STAG2: variants seen among roughly 807,000 people sequenced by gnomAD.
STAG2 encodes cohesin subunit SA-2.
STAG2 carries 14 observed loss-of-function variants against 108.1 expected under a neutral mutation model. That is an observed-to-expected ratio of 0.13 (90% CI 0.09 to 0.20). The LOEUF (loss-of-function observed/expected upper bound fraction) is 0.20. STAG2 is among the 10% of genes least tolerant of loss of function. The pLI, the probability that STAG2 is intolerant of heterozygous loss-of-function variation, is 1.00. For synonymous variants in STAG2, 307 were observed against 302.7 expected, an observed-to-expected ratio of 1.01 and a Z score of -0.15; for missense variants, 440 against 940.9, an observed-to-expected ratio of 0.47 and a Z score of 6.96.
At chrX:123,964,346 A>C (rs1034800494) in intron 1 of STAG2, among the ~76,000 whole-genome samples, 1 of 112,188 alleles carries the variant, frequency 8.9e-6, no homozygotes, top group African/African-American at 3.2e-5. Context: ...ACTTAGCCTG[A>C]ATGTGCTCTA....
chrX:124,089,364 C>T (rs1466996148), intron 30 of STAG2, among the ~76,000 whole-genome samples: 1 of 112,409 alleles, frequency 8.9e-6, no homozygotes, highest in African/African-American at 3.2e-5. Flanking sequence ...GCAACATTTA[C>T]AGACATTTGA....
intron 1 of STAG2, among the ~76,000 whole-genome samples, chrX:123,974,699 C>T (rs1602644923): frequency 9.2e-6 from 1 of 108,371 alleles, no homozygotes; most frequent in Non-Finnish European, 1.9e-5. Flanking sequence ...CTGCTTCAGC[C>T]TCTTGAGTAG....
At chrX:124,028,192 A>C (rs1399916719) in intron 4 of STAG2, among the ~76,000 whole-genome samples, 1 of 111,948 alleles carries the variant, frequency 8.9e-6, no homozygotes, top group Non-Finnish European at 1.9e-5. Flanking sequence ...CAAAGACTGA[A>C]TCTCATTTAC....
intron 1 of STAG2, among the ~76,000 whole-genome samples, chrX:123,991,822 G>A (rs959869096): frequency 9.0e-6 from 1 of 110,962 alleles, no homozygotes; most frequent in Non-Finnish European, 1.9e-5. Context: ...ACGCCACCAC[G>A]CCCAGCTAAT....
intron 1 of STAG2, among the ~76,000 whole-genome samples, chrX:123,974,636 T>C (rs1032774772): frequency 9.6e-6 from 1 of 103,791 alleles, no homozygotes. Flanking sequence ...TGGAGTGCAG[T>C]GGCGTGATCT....
intron 34 of STAG2, among the ~76,000 whole-genome samples, chrX:124,097,962 A>G (rs1008238166): frequency 1.8e-5 from 2 of 109,850 alleles, no homozygotes; most frequent in African/African-American, 6.6e-5. Context: ...TTTTTAATGT[A>G]TTTGTCTAAT....
chrX:124,078,981 C>T (rs2058876061), intron 27 of STAG2, among the ~76,000 whole-genome samples: 1 of 107,895 alleles, frequency 9.3e-6, no homozygotes, highest in Non-Finnish European at 1.9e-5. Context: ...AACAAACAAA[C>T]AAAAAAACCA....
intron 6 of STAG2, among the ~76,000 whole-genome samples, chrX:124,039,137 T>TTTATTA (rs4028223): frequency 0.066 from 6,212 of 93,976 alleles, 157 homozygotes; most frequent in African/African-American, 0.071. Flanking sequence ...TCCCCTTTTA[T>TTTATTA]TTATTATTAT....
intron 3 of STAG2, among the ~76,000 whole-genome samples, 172 bp downstream of exon 3, chrX:124,022,843 A>G (rs1205967175): frequency 8.9e-6 from 1 of 112,391 alleles, no homozygotes; most frequent in Non-Finnish European, 1.9e-5. Context: ...AATAATAATT[A>G]TTCTGTACTT....
intron 1 of STAG2, among the ~76,000 whole-genome samples, chrX:123,981,921 T>G (rs1182465712): frequency 8.9e-6 from 1 of 111,758 alleles, no homozygotes; most frequent in Non-Finnish European, 1.9e-5. Flanking sequence ...TATATATATG[T>G]TAAGCCAAAA....
chrX:123,970,666 G>A (rs374955276), intron 1 of STAG2, among the ~76,000 whole-genome samples: 1 of 111,862 alleles, frequency 8.9e-6, no homozygotes, highest in Non-Finnish European at 1.9e-5. Context: ...AGAATTTAAT[G>A]TGGGACATTA....
chrX:123,969,166 T>C (rs1287409844), intron 1 of STAG2, among the ~76,000 whole-genome samples: 1 of 112,292 alleles, frequency 8.9e-6, no homozygotes, highest in African/African-American at 3.2e-5. Context: ...ATAGAAGTAG[T>C]TGAAATAAAT....
intron 15 of STAG2, 96 bp downstream of exon 15, chrX:124,058,073 G>T: frequency 2.2e-5 from 7 of 322,205 alleles, no homozygotes; most frequent in Non-Finnish European, 3.0e-5. Flanking sequence ...TTGTAGCACA[G>T]TAAATTGTGA....
chrX:124,067,919 C>T (rs2058577511), intron 23 of STAG2, among the ~76,000 whole-genome samples: 1 of 110,337 alleles, frequency 9.1e-6, no homozygotes, highest in African/African-American at 3.3e-5. Context: ...GTAATCTCAG[C>T]TACTCAGGAT....
chrX:124,051,634 A>G (rs955157405), intron 13 of STAG2, among the ~76,000 whole-genome samples: 6 of 107,818 alleles, frequency 5.6e-5, no homozygotes, highest in Non-Finnish European at 7.7e-5. Context: ...TCTGTCCCCC[A>G]GGCTGGAGTG....
chrX:123,962,073 C>A (rs1248383844), intron 1 of STAG2: 1 of 110,859 alleles, frequency 9.0e-6, no homozygotes, highest in Non-Finnish European at 1.9e-5. Context: ...CACTGTCTTT[C>A]TCAAGGCACG....
At chrX:124,094,175 T>C (rs1032450116) in intron 33 of STAG2, 31 bp downstream of exon 33, 12 of 1,159,659 alleles carry the variant, frequency 1.0e-5, no homozygotes, top group Non-Finnish European at 1.4e-5. Flanking sequence ...TGTAAGATTT[T>C]CAGTTTAGAT....
At chrX:124,097,577 C>T (rs748874686) in intron 34 of STAG2, 1 of 215,342 alleles carries the variant, frequency 4.6e-6, no homozygotes, top group African/African-American at 2.8e-5. Flanking sequence ...TCTAGTGCAC[C>T]TTGACTATCA....
chrX:124,047,998 G>A (rs1385136333), intron 9 of STAG2, among the ~76,000 whole-genome samples: 1 of 112,206 alleles, frequency 8.9e-6, no homozygotes, highest in Non-Finnish European at 1.9e-5. Context: ...CGAAATAACA[G>A]TAAATAAAAT....
Sources: allele counts gnomAD v4.1 joint callset (sites outside exome capture counted in the v4.1 genomes callset), GRCh38; gene constraint gnomAD v4.1.1; transcripts MANE v1.5; gene names NCBI Gene and HGNC (gene_info 2026-07-23, HGNC 2026-07-21).